The following ARL9 variants were observed in gnomAD, a reference collection of about 807,000 sequenced individuals.
ARL9 encodes the protein ADP-ribosylation factor-like protein 9.
A neutral mutation model predicts 27.0 loss-of-function variants in ARL9; 14 were observed. That is an observed-to-expected ratio of 0.52 (90% CI 0.34 to 0.81). ARL9 has a LOEUF of 0.81. Ranked by LOEUF, ARL9 falls within the 30% of genes least tolerant of loss-of-function variation. The pLI is 0.01. For synonymous variants in ARL9, 106 were observed against 108.7 expected, an observed-to-expected ratio of 0.98 and a Z score of 0.15; for missense variants, 294 against 290.0, an observed-to-expected ratio of 1.01 and a Z score of -0.10.
At chr4:56,506,604 T>C in intron 1 of ARL9, 1 of 985,344 alleles carries the variant, frequency 1.0e-6, no homozygotes, top group Non-Finnish European at 1.2e-6. Flanking sequence ...TTGGGGACGC[T>C]GCAGTTGTTT....
intron 3 of ARL9, among the ~76,000 whole-genome samples, chr4:56,522,624 G>A (rs1042310634): frequency 2.6e-5 from 4 of 152,134 alleles, no homozygotes; most frequent in Non-Finnish European, 5.9e-5. Context: ...ATTTATGAAA[G>A]GGAATGTCAC....
In ARL9 at chr4:56,506,800, G is replaced by A. The variant is rs1182191332; in HGVS notation, c.279+659G>A. 7.6e-3 allele frequency: 1,792 copies of A among 235,446 alleles called. 124 individuals carry two copies. Among genetic ancestry groups the A allele is most frequent in the African/African-American group, 0.025 (1,040 of 42,274 alleles). 14.6% of individuals were successfully genotyped at this position (235,446 alleles called of 1,614,324 possible). A position where few individuals can be genotyped will look rare whatever the true frequency, so the allele number is the denominator to read the frequency against. Reference sequence around the variant, plus strand: ...GATTAACACAGTTGTGTGTGTGTGTGTGTGTGTGTGTGTGTGTGTGTGTGT... The same window carrying A: ...GATTAACACAGTTGTGTGTGTGTGTATGTGTGTGTGTGTGTGTGTGTGTGT... On this transcript the variant is annotated intron_variant, in intron 1 of 3. Transcript: ENST00000640821.
intron 3 of ARL9, among the ~76,000 whole-genome samples, chr4:56,522,044 GGT>G (rs977494586): frequency 1.6e-4 from 24 of 150,248 alleles, no homozygotes; most frequent in Non-Finnish European, 8.9e-5. Flanking sequence ...GGAGTACAGT[GGT>G]GTGATCTCGG....
chr4:56,521,333 T>C (rs1424573301), intron 3 of ARL9, among the ~76,000 whole-genome samples: 1 of 152,240 alleles, frequency 6.6e-6, no homozygotes, highest in Non-Finnish European at 1.5e-5. Context: ...AGCTGTATAG[T>C]ATTCCATAGC....
At chr4:56,515,079 C>G (rs957698061) in intron 2 of ARL9, among the ~76,000 whole-genome samples, 2 of 151,988 alleles carry the variant, frequency 1.3e-5, no homozygotes, top group African/African-American at 4.8e-5. Context: ...CATGGTGAAA[C>G]CCTGTCTCTA....
At chr4:56,509,400 G>A (rs1004762090) in intron 1 of ARL9, among the ~76,000 whole-genome samples, 4 of 151,456 alleles carry the variant, frequency 2.6e-5, no homozygotes, top group East Asian at 1.9e-4. Context: ...GGGTTATGCC[G>A]TGATAGCCAG....
chr4:56,505,398 GTTC>G (rs1257584775), upstream of ARL9: 10 of 457,502 alleles, frequency 2.2e-5, no homozygotes, highest in Admixed American at 2.1e-4. Context: ...CGCCCCAGGG[GTTC>G]TTCACACAGG....
chr4:56,521,675 T>C (rs1257365952), intron 3 of ARL9, among the ~76,000 whole-genome samples: 1 of 152,190 alleles, frequency 6.6e-6, no homozygotes, highest in Non-Finnish European at 1.5e-5. Flanking sequence ...ATCTGATGGG[T>C]GAACTTGTTT....
chr4:56,524,004 T>C lies in ARL9; in HGVS notation c.*128T>C. 1 of 831,978 alleles carries C rather than the reference T, an allele frequency of 1.2e-6. No individual in the cohort carries two copies. The highest frequency in any genetic ancestry group is 1.7e-6 in the Non-Finnish European group (1 of 574,330). The allele number at this position is 831,978 out of a possible 1,614,324, so 51.5% of individuals were successfully genotyped here. Reference sequence around the variant, plus strand: ...TCCTATTTTCTCAGTGCATGGGATGTATATAGTTAGCCCTCCATATCCATG... The same window carrying C: ...TCCTATTTTCTCAGTGCATGGGATGCATATAGTTAGCCCTCCATATCCATG... On this transcript the variant is annotated 3_prime_UTR_variant, in exon 4 of 4. Transcript: ENST00000640821.
chr4:56,520,007 T>C (rs927168357), intron 3 of ARL9, among the ~76,000 whole-genome samples: 2 of 128,296 alleles, frequency 1.6e-5, no homozygotes, highest in Non-Finnish European at 3.2e-5. Flanking sequence ...CACTCCTGAC[T>C]TTTTTTTTTT....
At chr4:56,517,160 AC>A (rs1463422238) in intron 2 of ARL9, among the ~76,000 whole-genome samples, 1 of 152,226 alleles carries the variant, frequency 6.6e-6, no homozygotes, top group African/African-American at 2.4e-5. Context: ...GAAATGAGGA[AC>A]AACTCAAACG....
At position 56,523,869 on chromosome 4, in the gene ARL9, T is replaced by G; in HGVS notation, c.791T>G (p.Val264Gly). The G allele has an allele frequency of 2.5e-6, 4 of 1,613,512 alleles. No individual in the cohort carries two copies. The highest frequency in any genetic ancestry group is 3.4e-6 in the Non-Finnish European group (4 of 1,179,634). ...KDLIAQLAAD[V>G]Q ...TTGATTGCACAGCTGGCTGCAGATG[T>G]GCAGTGACCAGGACTCAGCCCACTG... The change falls in exon 4 of 4, where the codon GTG (valine) becomes GGG (glycine). Residue 264 changes from valine (V) to glycine (G), a missense_variant. By Grantham distance (109) the Val-to-Gly change is moderately radical. Transcript: ENST00000640821.
At chr4:56,510,354 C>CAAAAAA (rs769085578) in intron 1 of ARL9, among the ~76,000 whole-genome samples, 4,379 of 74,798 alleles carry the variant, frequency 0.059, 150 homozygotes, top group African/African-American at 0.14. Context: ...GACTCCAACT[C>CAAAAAA]AAAAAAAAAA....
intron 1 of ARL9, among the ~76,000 whole-genome samples, chr4:56,508,231 C>T (rs1721524869): frequency 1.3e-5 from 2 of 152,222 alleles, no homozygotes; most frequent in African/African-American, 4.8e-5. Context: ...GCCCCTCTTC[C>T]TTACCTTGAC....
rs1721625212 is a variant in ARL9, at chr4:56,511,169, T to C, written c.280-16T>C. ...CTGATAGCATGGGCTTATTGATTTATCTTTTTGTTTCACAGGAGAAAAACA... is the reference window on the plus strand; with the variant it reads ...CTGATAGCATGGGCTTATTGATTTACCTTTTTGTTTCACAGGAGAAAAACA... On this transcript the variant is annotated splice_polypyrimidine_tract_variant and intron_variant, in intron 1 of 3. Coordinates refer to ENST00000640821, the MANE Select transcript of ARL9 (RefSeq NM_001363794.2). 1.3e-6 allele frequency: 2 copies of C among 1,539,484 alleles called. No homozygotes were observed. Among genetic ancestry groups the C allele is most frequent in the Non-Finnish European group, 1.7e-6 (2 of 1,143,142 alleles).
intron 3 of ARL9, among the ~76,000 whole-genome samples, chr4:56,522,795 C>A (rs768260726): frequency 4.6e-5 from 7 of 152,248 alleles, no homozygotes; most frequent in East Asian, 1.9e-4. Context: ...CTCTTCCAAG[C>A]CTCCCCCATC....
At chr4:56,515,684 A>G (rs1170510259) in intron 2 of ARL9, among the ~76,000 whole-genome samples, 1 of 152,172 alleles carries the variant, frequency 6.6e-6, no homozygotes, top group Non-Finnish European at 1.5e-5. Context: ...AATTAATTGT[A>G]TTTCTGTTAT....
chr4:56,515,028 CACTCACCTAAAGTCAGGAGTTCAAGATCA>C (rs1721732272), intron 2 of ARL9, among the ~76,000 whole-genome samples: 1 of 152,052 alleles, frequency 6.6e-6, no homozygotes, highest in African/African-American at 2.4e-5. Flanking sequence ...GGGGGCGGAT[CACTCACCTAAAGTCAGGAGTTCAAGATCA>C]ACCTGGCCCA....
intron 2 of ARL9, 72 bp from the exon 3 acceptor site, chr4:56,518,606 C>T: frequency 7.3e-7 from 1 of 1,364,074 alleles, no homozygotes; most frequent in Non-Finnish European, 1.0e-6. Flanking sequence ...TAGATGTGCC[C>T]TCCCTGCTCC....
Sources: allele counts gnomAD v4.1 joint callset (sites outside exome capture counted in the v4.1 genomes callset), GRCh38; gene constraint gnomAD v4.1.1; transcripts MANE v1.5; gene names NCBI Gene and HGNC (gene_info 2026-07-23, HGNC 2026-07-21).